DNAJC21: variants seen among roughly 807,000 people sequenced by gnomAD.
DNAJC21 encodes the protein DnaJ heat shock protein family (Hsp40) member C21.
In DNAJC21, 63 loss-of-function variants were observed where a neutral mutation model predicts 72.4. The observed-to-expected ratio is 0.87, with a 90% CI of 0.71 to 1.07. The LOEUF (loss-of-function observed/expected upper bound fraction) is 1.07, where lower values mean the gene tolerates loss of function less well. DNAJC21 is among the 50% of genes least tolerant of loss of function. DNAJC21 has a pLI of 0.00. For synonymous variants in DNAJC21, 203 were observed against 216.7 expected, an observed-to-expected ratio of 0.94 and a Z score of 0.56; for missense variants, 634 against 644.8, an observed-to-expected ratio of 0.98 and a Z score of 0.18.
At chr5:34,937,268 T>G in intron 4 of DNAJC21, 58 bp from the exon 5 acceptor site, 1 of 1,529,018 alleles carries the variant, frequency 6.5e-7, no homozygotes, top group Non-Finnish European at 8.8e-7. Context: ...TAATATTTAC[T>G]GCTTTTCTAA....
rs1764518943 is a variant in DNAJC21 at position 34,929,841 on chromosome 5, C to T, written c.22C>T (p.Leu8=). The change falls in exon 1 of 12, where the codon CTG becomes TTG. Residue 8 remains leucine, a synonymous_variant. Coordinates refer to ENST00000648817, the MANE Select transcript of DNAJC21 (RefSeq NM_001012339.3). The part of the protein sequence containing the change: MKCHYEA[L]GVRRDASEEE... The stretch of plus-strand genomic sequence containing the variant: ...GGCGATGAAGTGTCACTATGAGGCG[C>T]TGGGGGTGCGGCGCGACGCCAGCGA... The T allele has an allele frequency of 1.3e-6, 2 of 1,574,856 alleles. No individual in the cohort carries two copies. Among genetic ancestry groups the T allele is most frequent in the Non-Finnish European group, 1.7e-6 (2 of 1,161,492 alleles).
chr5:34,937,707 A>G lies in DNAJC21; in HGVS notation c.743+77A>G, dbSNP rs1219360755. ...AGCACCAGAGGTACCTTACATGTTCATGTTGGGTTCAGTCATCAGCCTGGC... is the reference window on the plus strand; with the variant it reads ...AGCACCAGAGGTACCTTACATGTTCGTGTTGGGTTCAGTCATCAGCCTGGC... On this transcript the variant is annotated intron_variant, in intron 5 of 11. Coordinates refer to ENST00000648817, the MANE Select transcript of DNAJC21 (RefSeq NM_001012339.3). 2.7e-6 allele frequency: 4 copies of G among 1,504,128 alleles called. No homozygotes were observed. The African/African-American group carries it at 5.6e-5, about 21-fold the overall frequency. 93.2% of individuals were successfully genotyped at this position (1,504,128 alleles called of 1,614,324 possible).
At chr5:34,932,676 A>C (rs565549500) in intron 1 of DNAJC21, among the ~76,000 whole-genome samples, 1 of 152,106 alleles carries the variant, frequency 6.6e-6, no homozygotes, top group Admixed American at 6.5e-5. Flanking sequence ...CAGCTCACCA[A>C]CTCACCAGCT....
At chr5:34,941,244 C>T in intron 7 of DNAJC21, 61 bp downstream of exon 7, 1 of 1,465,972 alleles carries the variant, frequency 6.8e-7, no homozygotes, top group Non-Finnish European at 9.4e-7. Flanking sequence ...GTCACCAAGG[C>T]AGGAGTGCAG....
intron 10 of DNAJC21, 86 bp downstream of exon 10, chr5:34,950,428 T>G: frequency 6.7e-7 from 1 of 1,493,568 alleles, no homozygotes; most frequent in Non-Finnish European, 8.9e-7. Context: ...AAATCTTCTT[T>G]CCCATGACTG....
chr5:34,939,690 CTT>C lies in DNAJC21; in HGVS notation c.895+683_895+684del, dbSNP rs1309051546. Reference sequence around the variant, plus strand: ...TATAAATTCTTCCTCTCCCTTGTGACTTTATAGAAGGGCTCCTCTTGGTGTGC... The same window carrying C: ...TATAAATTCTTCCTCTCCCTTGTGACTATAGAAGGGCTCCTCTTGGTGTGC... On this transcript the variant is annotated intron_variant, in intron 6 of 11. Coordinates refer to ENST00000648817, the MANE Select transcript of DNAJC21 (RefSeq NM_001012339.3). Among the ~76,000 whole-genome samples the C allele has an allele frequency of 2.6e-5, 4 of 151,734 alleles. No individual in the cohort carries two copies. In the South Asian group the frequency reaches 8.3e-4, roughly 32 times the overall value.
At chr5:34,941,422 C>T (rs1764984787) in intron 7 of DNAJC21, among the ~76,000 whole-genome samples, 1 of 152,118 alleles carries the variant, frequency 6.6e-6, no homozygotes, top group South Asian at 2.1e-4. Context: ...GGGGTTTTGC[C>T]ATGTTGTCCA....
Position 34,939,306 on chromosome 5 carries a change from C to T in DNAJC21, c.895+297C>T, listed in dbSNP as rs549353073. ...CGGAGTCTCGCTCTGTCGCCCAGGC[C>T]GGACTGCGGACTGCAGTGGCGCAAT... On this transcript the variant is annotated intron_variant, in intron 6 of 11. Coordinates refer to ENST00000648817, the MANE Select transcript of DNAJC21 (RefSeq NM_001012339.3). 3.5e-3 allele frequency among the ~76,000 whole-genome samples: 534 copies of T among 151,964 alleles called. 3 individuals carry two copies. Among genetic ancestry groups the T allele is most frequent in the Non-Finnish European group, 2.2e-3 (150 of 67,948 alleles).
At position 34,950,390 on chromosome 5, in the gene DNAJC21, A is replaced by T. The variant is rs762471621; in HGVS notation, c.1358+48A>T. The T allele has an allele frequency of 5.7e-6, 9 of 1,578,968 alleles. No individual in the cohort carries two copies. In the South Asian group the frequency reaches 1.1e-4, roughly 19 times the overall value. ...TTGTAAATTACTGAATATTGATAGTAAGGATGTAGCTTTTCATATATCAAA... is the reference window on the plus strand; with the variant it reads ...TTGTAAATTACTGAATATTGATAGTTAGGATGTAGCTTTTCATATATCAAA... On this transcript the variant is annotated intron_variant, in intron 10 of 11. Transcript: ENST00000648817.
chr5:34,941,231 T>A, intron 7 of DNAJC21, 48 bp downstream of exon 7: 2 of 1,513,836 alleles, frequency 1.3e-6, no homozygotes, highest in Non-Finnish European at 9.1e-7. Context: ...AGGGTCTCAC[T>A]CTGTCACCAA....
intron 7 of DNAJC21, among the ~76,000 whole-genome samples, chr5:34,943,566 C>T (rs1487348424): frequency 6.6e-6 from 1 of 152,172 alleles, no homozygotes; most frequent in African/African-American, 2.4e-5. Flanking sequence ...CAGGTTTTCC[C>T]TTGTAACATG....
rs1188081432 is a variant in DNAJC21, at chr5:34,950,202, T to C, written c.1218T>C (p.Pro406=). The C allele has an allele frequency of 6.2e-7, 1 of 1,610,188 alleles. No homozygotes were observed. Among genetic ancestry groups the C allele is most frequent in the Non-Finnish European group, 8.5e-7 (1 of 1,178,966 alleles). The part of the protein sequence containing the change: ...NYDDNFNVNG[P]GEGVKVDPED... ...ATGACAATTTCAATGTAAATGGACC[T>C]GGAGAAGGAGTAAAGGTTGATCCAG... The change falls in exon 10 of 12, where the codon CCT becomes CCC. Residue 406 remains proline (P), a synonymous_variant. Transcript: ENST00000648817.
intron 10 of DNAJC21, among the ~76,000 whole-genome samples, chr5:34,953,137 G>A (rs1765432731): frequency 6.6e-6 from 1 of 152,006 alleles, no homozygotes; most frequent in Non-Finnish European, 1.5e-5. Context: ...GTGACAGAGT[G>A]AGACTCCATC....
chr5:34,935,041 T>A (rs1354974165), intron 2 of DNAJC21, among the ~76,000 whole-genome samples: 1 of 152,224 alleles, frequency 6.6e-6, no homozygotes, highest in Non-Finnish European at 1.5e-5. Flanking sequence ...TTCCTTTGTC[T>A]TTTTAGTCAA....
Position 34,944,511 on chromosome 5 carries a change from AAAT to A in DNAJC21, c.984-350_984-348del, listed in dbSNP as rs1367341263. Among the ~76,000 whole-genome samples the A allele has an allele frequency of 4.6e-5, 7 of 152,314 alleles. No individual in the cohort carries two copies. The East Asian group carries it at 1.2e-3, about 25-fold the overall frequency. On this transcript the variant is annotated intron_variant, in intron 7 of 11. Transcript: ENST00000648817. ...GGAAGCTTTAAGAATTGAAAAATCA[AAAT>A]AATAAGTAGAGAATTTGTCCAAACC...
chr5:34,956,075 AGAAAG>A lies in DNAJC21; in HGVS notation c.*1362_*1366del, dbSNP rs1765529388. 6.6e-6 allele frequency: 1 copy of A among 150,582 alleles called. No homozygotes were observed. The highest frequency in any genetic ancestry group is 2.5e-5 in the African/African-American group (1 of 40,494). 9.3% of individuals were successfully genotyped at this position (150,582 alleles called of 1,614,324 possible). On this transcript the variant is annotated 3_prime_UTR_variant, in exon 12 of 12. Transcript: ENST00000648817. Reference sequence around the variant, plus strand: ...CTCAAAAAAAAAAAAAAAAAAAAAAAGAAAGTAATTTTAAACTCACTGGCTTGAAA... The same window carrying A: ...CTCAAAAAAAAAAAAAAAAAAAAAAATAATTTTAAACTCACTGGCTTGAAA...
intron 8 of DNAJC21, 44 bp from the exon 9 acceptor site, chr5:34,945,717 C>A: frequency 6.7e-7 from 1 of 1,500,428 alleles, no homozygotes. Flanking sequence ...ACTTACTCTT[C>A]ACAGAGTCAA....
In DNAJC21 at chr5:34,935,838, G is replaced by A. The variant is rs1487056484; in HGVS notation, c.315+5G>A. On this transcript the variant is annotated splice_donor_5th_base_variant and intron_variant, in intron 3 of 11. Transcript: ENST00000648817. ...GGTTATGGAGATGATGAAAAGGTAA[G>A]ATAAATGAACTCACCCTTGATTTCT... The A allele has an allele frequency of 6.2e-7, 1 of 1,613,878 alleles. No individual in the cohort carries two copies. Among genetic ancestry groups the A allele is most frequent in the East Asian group, 2.2e-5 (1 of 44,830 alleles).
At chr5:34,944,061 G>A (rs1238007540) in intron 7 of DNAJC21, among the ~76,000 whole-genome samples, 1 of 152,226 alleles carries the variant, frequency 6.6e-6, no homozygotes, top group Non-Finnish European at 1.5e-5. Context: ...AGCCTGAACA[G>A]ATGAGATGAA....
Sources: gnomAD v4.1 joint callset for allele counts (sites outside exome capture counted in the v4.1 genomes callset) on GRCh38, gnomAD v4.1.1 for gene constraint, MANE v1.5 for transcripts, NCBI Gene and HGNC (gene_info 2026-07-23, HGNC 2026-07-21) for gene names.